SI: variants seen among roughly 807,000 people sequenced by gnomAD.
SI encodes sucrase-isomaltase.
In SI, 235 loss-of-function variants were observed where a neutral mutation model predicts 253.3. The observed-to-expected ratio is 0.93, with a 90% CI of 0.83 to 1.03. The LOEUF (loss-of-function observed/expected upper bound fraction) is 1.03, where lower values mean the gene tolerates loss of function less well. SI is among the 50% of genes least tolerant of loss of function. The pLI is 0.00. For missense variants in SI, 2,442 were observed against 2,211.1 expected (o/e 1.10, Z -2.09); for synonymous variants, 819 against 712.0 (o/e 1.15, Z -2.39).
Position 165,037,962 on chromosome 3 carries a change from T to A in SI, c.2364A>T (p.Gly788=), listed in dbSNP as rs1712615996. 1 of 1,611,596 alleles carries A rather than the reference T, an allele frequency of 6.2e-7. No individual in the cohort carries two copies. Among genetic ancestry groups the A allele is most frequent in the Non-Finnish European group, 8.5e-7 (1 of 1,178,492 alleles). The part of the protein sequence containing the change: ...VDMYLPADKI[G]LHLRGGYIIP... ...TGATATAACCTCCTCTAAGATGTAATCCTATTTTGTCTGCTGGAAGATACA... is the reference window on the plus strand; with the variant it reads ...TGATATAACCTCCTCTAAGATGTAAACCTATTTTGTCTGCTGGAAGATACA... The change falls in exon 21 of 48, where the codon GGA becomes GGT. Residue 788 remains glycine, a synonymous_variant. Transcript: ENST00000264382.
At chr3:165,000,549 A>G (rs1250699435) in intron 37 of SI, among the ~76,000 whole-genome samples, 1 of 151,482 alleles carries the variant, frequency 6.6e-6, no homozygotes, top group African/African-American at 2.4e-5. Flanking sequence ...AATGTACTCC[A>G]TATTTACTAT....
intron 25 of SI, among the ~76,000 whole-genome samples, chr3:165,029,844 C>A (rs1712142521): frequency 6.7e-6 from 1 of 150,148 alleles, no homozygotes; most frequent in African/African-American, 2.4e-5. Context: ...GAGAAGTGAA[C>A]TTCACTATTT....
At chr3:165,078,039 A>G (rs1489106624) in intron 1 of SI, among the ~76,000 whole-genome samples, 1 of 151,524 alleles carries the variant, frequency 6.6e-6, no homozygotes, top group Non-Finnish European at 1.5e-5. Flanking sequence ...AGAAAACAGT[A>G]ATGTTTTATA....
rs377675531 is a variant in SI, at chr3:165,067,411, C to T, written c.564G>A (p.Thr188=). The change falls in exon 6 of 48, where the codon ACG becomes ACA. Residue 188 remains threonine, a synonymous_variant. Transcript: ENST00000264382. ...KEFTGPTVSD[T]LYDVKVAQNP... ...TTTGGGCAACCTTCACATCATACAA[C>T]GTATCAGAAACTGTGGGTCCAGTAA... 24 of 1,612,248 alleles carry T rather than the reference C, an allele frequency of 1.5e-5. No individual in the cohort carries two copies. The highest frequency in any genetic ancestry group is 1.1e-4 in the African/African-American group (8 of 74,964).
At chr3:165,006,031 T>A (rs1040299884) in intron 37 of SI, among the ~76,000 whole-genome samples, 1 of 152,218 alleles carries the variant, frequency 6.6e-6, no homozygotes, top group African/African-American at 2.4e-5. Context: ...AAAATGCAGA[T>A]AATTACTATG....
intron 16 of SI, among the ~76,000 whole-genome samples, chr3:165,044,664 T>C (rs1442586357): frequency 6.6e-6 from 1 of 152,026 alleles, no homozygotes; most frequent in African/African-American, 2.4e-5. Flanking sequence ...TTATAGACTA[T>C]GTGAATTGAA....
At chr3:165,022,256 T>G (rs1711661957) in intron 26 of SI, among the ~76,000 whole-genome samples, 1 of 151,606 alleles carries the variant, frequency 6.6e-6, no homozygotes, top group African/African-American at 2.4e-5. Flanking sequence ...ACATATTTTA[T>G]TTTTATGTTA....
chr3:165,068,223 G>A (rs1714361260), intron 5 of SI, among the ~76,000 whole-genome samples: 1 of 152,054 alleles, frequency 6.6e-6, no homozygotes, highest in African/African-American at 2.4e-5. Context: ...AATGTTTCTT[G>A]AGAATGTTTA....
the SI span, among the ~76,000 whole-genome samples, chr3:165,089,957 CAT>C: frequency 6.6e-6 from 1 of 151,944 alleles, no homozygotes; most frequent in South Asian, 2.1e-4. Flanking sequence ...AGGCAAGAAA[CAT>C]AGGACAGAGC....
intron 12 of SI, 100 bp downstream of exon 12, chr3:165,058,859 TACAC>T (rs138742044): frequency 1.3e-4 from 83 of 639,252 alleles, no homozygotes; most frequent in East Asian, 3.9e-4. Flanking sequence ...AAAGCAGACA[TACAC>T]ACACACACAC....
intron 31 of SI, among the ~76,000 whole-genome samples, 175 bp downstream of exon 31, chr3:165,017,373 C>A (rs1214557562): frequency 6.6e-6 from 1 of 151,878 alleles, no homozygotes; most frequent in Non-Finnish European, 1.5e-5. Flanking sequence ...TCTTCCTCTC[C>A]TTTATCAGTC....
At chr3:165,041,273 T>C (rs541959591) in intron 17 of SI, among the ~76,000 whole-genome samples, 179 bp from the exon 18 acceptor site, 33 of 152,178 alleles carry the variant, frequency 2.2e-4, no homozygotes, top group Non-Finnish European at 4.4e-4. Flanking sequence ...GGTTTTGTTA[T>C]ATATTTTAAT....
In SI at chr3:165,065,435, G is replaced by A. The variant is rs753088248; in HGVS notation, c.636-3C>T. Reference sequence around the variant, plus strand: ...AGGGACCAATGCTGGTGTCAAACCTGCACCATAAAAGAAATAAAGAAATAA... The same window carrying A: ...AGGGACCAATGCTGGTGTCAAACCTACACCATAAAAGAAATAAAGAAATAA... On this transcript the variant is annotated splice_polypyrimidine_tract_variant and splice_region_variant and intron_variant, in intron 6 of 47. Coordinates refer to ENST00000264382, the MANE Select transcript of SI (RefSeq NM_001041.4). 2 of 1,304,892 alleles carry A rather than the reference G, an allele frequency of 1.5e-6. No homozygotes were observed. Among genetic ancestry groups the A allele is most frequent in the Non-Finnish European group, 2.1e-6 (2 of 970,218 alleles). The allele number at this position is 1,304,892 out of a possible 1,614,324, so 80.8% of individuals were successfully genotyped here. A position where few individuals can be genotyped will look rare whatever the true frequency, so the allele number is the denominator to read the frequency against.
Position 164,998,595 on chromosome 3 carries a change from T to A in SI, c.4485A>T (p.Gly1495=). The change falls in exon 38 of 48, where the codon GGA becomes GGT. Residue 1495 remains glycine, a synonymous_variant. Transcript: ENST00000264382. ...GTGCATAGTTGTCTCCAAGCCAGTG[T>A]CCTCCCCATCGTCCACTAGTAGGAT... The part of the protein sequence containing the change: ...STYPTSGRWG[G]HWLGDNYARW... The A allele has an allele frequency of 1.9e-6, 3 of 1,612,236 alleles. No homozygotes were observed. The highest frequency in any genetic ancestry group is 2.5e-6 in the Non-Finnish European group (3 of 1,178,706).
intron 36 of SI, 29 bp from the exon 37 acceptor site, chr3:165,006,983 T>C (rs1366441266): frequency 3.4e-6 from 5 of 1,491,760 alleles, no homozygotes; most frequent in Non-Finnish European, 4.6e-6. Flanking sequence ...AAAATATTAA[T>C]ATATTATACA....
chr3:165,046,360 A>C (rs1713113945), intron 16 of SI, among the ~76,000 whole-genome samples: 1 of 151,218 alleles, frequency 6.6e-6, no homozygotes, highest in South Asian at 2.1e-4. Context: ...TCATGTCTAC[A>C]ATTCCTAGTA....
intron 37 of SI, 38 bp downstream of exon 37, chr3:165,006,778 T>C (rs1718528801): frequency 6.3e-7 from 1 of 1,575,418 alleles, no homozygotes; most frequent in Non-Finnish European, 8.7e-7. Flanking sequence ...AACCAAAGAA[T>C]AAAAGAGTCA....
intron 31 of SI, 93 bp downstream of exon 31, chr3:165,017,455 C>T (rs1719092121): frequency 2.1e-5 from 26 of 1,258,766 alleles, no homozygotes; most frequent in Non-Finnish European, 2.8e-5. Flanking sequence ...AGCATTATTA[C>T]CAGCTGCTTA....
In SI at chr3:165,023,690, C is replaced by A; in HGVS notation, c.2979G>T (p.Met993Ile). The A allele has an allele frequency of 1.2e-6, 2 of 1,610,670 alleles. No individual in the cohort carries two copies. The highest frequency in any genetic ancestry group is 1.7e-6 in the Non-Finnish European group (2 of 1,177,800). Residue 993 changes from methionine (M) to isoleucine (I), a missense_variant, in exon 26 of 48, where the codon ATG becomes ATT. Transcript: ENST00000264382. ...TTAGTTGGAGGTCAGCTGTTATACC[C>A]ATGGATGAATAGCGAGCTGAGTTGA... ...YSVNSARYSS[M>I]GITADLQLNT...
Sources: gnomAD v4.1 joint callset for allele counts (sites outside exome capture counted in the v4.1 genomes callset) on GRCh38, gnomAD v4.1.1 for gene constraint, MANE v1.5 for transcripts, NCBI Gene and HGNC (gene_info 2026-07-23, HGNC 2026-07-21) for gene names.